HDAC9: variants seen among roughly 807,000 people sequenced by gnomAD.
HDAC9 encodes the protein MEF-2 interacting transcription repressor (MITR) protein.
A neutral mutation model predicts 139.4 loss-of-function variants in HDAC9; 41 were observed. That is an observed-to-expected ratio of 0.29 (90% CI 0.23 to 0.38). The LOEUF (loss-of-function observed/expected upper bound fraction) is 0.38. Ranked by LOEUF, HDAC9 falls within the 10% of genes least tolerant of loss-of-function variation. The probability of loss-of-function intolerance (pLI) is 1.00; values close to 1 mark genes in which losing one functional copy is unlikely to be tolerated. For missense variants in HDAC9, 1,147 were observed against 1,297.0 expected, an observed-to-expected ratio of 0.88 and a Z score of 1.78; for synonymous variants, 517 against 476.2, an observed-to-expected ratio of 1.09 and a Z score of -1.12.
chr7:18,258,049 T>C (rs111779849), intron 2 of HDAC9, among the ~76,000 whole-genome samples: 4 of 152,350 alleles, frequency 2.6e-5, no homozygotes, highest in East Asian at 3.9e-4. Context: ...AGTATCTAAG[T>C]TGACTTAAAA....
chr7:18,313,615 A>G (rs1438347360), intron 1 of HDAC9, among the ~76,000 whole-genome samples: 1 of 152,232 alleles, frequency 6.6e-6, no homozygotes, highest in Non-Finnish European at 1.5e-5. Flanking sequence ...GGATTTTAAT[A>G]TATGCAAATG....
At position 18,750,247 on chromosome 7, in the gene HDAC9, T is replaced by C. The variant is rs115169068; in HGVS notation, c.2043+1109T>C. ...CATTCATTCAGTTTGTTCATTTCTA[T>C]GGATAAAAAAATTTTCTTTATGGAT... On this transcript the variant is annotated intron_variant, in intron 14 of 25. Coordinates refer to ENST00000686413, the MANE Select transcript of HDAC9 (RefSeq NM_178425.4). Among the ~76,000 whole-genome samples, 744 of 152,298 alleles carry C rather than the reference T, an allele frequency of 4.9e-3. 7 individuals carry two copies. Among genetic ancestry groups the C allele is most frequent in the African/African-American group, 0.017 (690 of 41,562 alleles).
chr7:18,765,461 A>G (rs1489603400), intron 15 of HDAC9, among the ~76,000 whole-genome samples: 1 of 152,138 alleles, frequency 6.6e-6, no homozygotes, highest in African/African-American at 2.4e-5. Flanking sequence ...CTCTACTAAA[A>G]ATACAAAAAT....
At chr7:18,263,219 A>G (rs544724645) in intron 2 of HDAC9, among the ~76,000 whole-genome samples, 1 of 152,324 alleles carries the variant, frequency 6.6e-6, no homozygotes, top group South Asian at 2.1e-4. Context: ...CTACACTAAT[A>G]TCAGTATGTT....
chr7:18,178,537 G>A (rs1032976146), intron 2 of HDAC9, among the ~76,000 whole-genome samples: 1 of 152,208 alleles, frequency 6.6e-6, no homozygotes, highest in African/African-American at 2.4e-5. Flanking sequence ...AGCGGTAGAA[G>A]CAGACCTACC....
chr7:18,903,229 C>A (rs535833929), intron 22 of HDAC9, among the ~76,000 whole-genome samples: 2 of 152,302 alleles, frequency 1.3e-5, no homozygotes, highest in African/African-American at 4.8e-5. Context: ...TGACTTGGCC[C>A]TTCTAAGCAA....
At chr7:18,663,637 C>T (rs1793905761) in intron 11 of HDAC9, among the ~76,000 whole-genome samples, 1 of 152,130 alleles carries the variant, frequency 6.6e-6, no homozygotes, top group South Asian at 2.1e-4. Flanking sequence ...CGGGTATCTA[C>T]TTGAATCCTT....
chr7:18,741,485 AG>A (rs1787448753), intron 13 of HDAC9, among the ~76,000 whole-genome samples: 1 of 152,244 alleles, frequency 6.6e-6, no homozygotes, highest in Admixed American at 6.5e-5. Flanking sequence ...CTTACTGCTC[AG>A]GGGGGAAAAA....
At chr7:18,601,178 C>T (rs1394560334) in intron 6 of HDAC9, among the ~76,000 whole-genome samples, 2 of 152,186 alleles carry the variant, frequency 1.3e-5, no homozygotes, top group African/African-American at 4.8e-5. Flanking sequence ...TTCTCATTTA[C>T]ATCCTCTACA....
intron 21 of HDAC9, among the ~76,000 whole-genome samples, chr7:18,838,581 A>G (rs1410613511): frequency 6.6e-6 from 1 of 152,066 alleles, no homozygotes; most frequent in Non-Finnish European, 1.5e-5. Flanking sequence ...CTATATATGT[A>G]TATACTCCTT....
intron 22 of HDAC9, among the ~76,000 whole-genome samples, chr7:18,888,304 A>G (rs1468114776): frequency 6.6e-6 from 1 of 152,196 alleles, no homozygotes; most frequent in Non-Finnish European, 1.5e-5. Context: ...GGGCGCCTGT[A>G]GTCCCAGCTA....
At chr7:18,123,970 G>A (rs1377531768) in intron 1 of HDAC9, among the ~76,000 whole-genome samples, 1 of 152,148 alleles carries the variant, frequency 6.6e-6, no homozygotes, top group East Asian at 1.9e-4. Flanking sequence ...AATGAGGGGT[G>A]CTATCTTAAT....
At chr7:18,268,489 A>C (rs1255403289) in intron 2 of HDAC9, among the ~76,000 whole-genome samples, 1 of 125,396 alleles carries the variant, frequency 8.0e-6, no homozygotes, top group Non-Finnish European at 1.9e-5. Context: ...TGCAAGAACC[A>C]AATTAAAAAA....
chr7:18,613,077 A>G (rs1837608005), intron 6 of HDAC9, among the ~76,000 whole-genome samples: 1 of 148,090 alleles, frequency 6.8e-6, no homozygotes. Context: ...TGAATAATAG[A>G]TATATTTATA....
chr7:18,469,649 T>C (rs2128118591), intron 1 of HDAC9, among the ~76,000 whole-genome samples: 1 of 152,274 alleles, frequency 6.6e-6, no homozygotes, highest in East Asian at 1.9e-4. Context: ...CACAACTGTA[T>C]AGTGGTTTTC....
chr7:18,837,762 C>G (rs1796332476), intron 21 of HDAC9, among the ~76,000 whole-genome samples: 1 of 152,082 alleles, frequency 6.6e-6, no homozygotes, highest in African/African-American at 2.4e-5. Flanking sequence ...TAAAGAACCT[C>G]TTTGAACACA....
chr7:18,116,658 A>T (rs2731570), intron 1 of HDAC9, among the ~76,000 whole-genome samples: 1 of 152,056 alleles, frequency 6.6e-6, no homozygotes. Context: ...TTTTATTAAC[A>T]AATAATAGAG....
At chr7:18,920,344 G>A (rs952474138) in intron 22 of HDAC9, among the ~76,000 whole-genome samples, 3 of 152,110 alleles carry the variant, frequency 2.0e-5, no homozygotes, top group East Asian at 1.9e-4. Flanking sequence ...CATTGATTTT[G>A]TATCCTGAGA....
chr7:18,704,896 A>T (rs952447486), intron 12 of HDAC9, among the ~76,000 whole-genome samples: 1 of 152,220 alleles, frequency 6.6e-6, no homozygotes, highest in African/African-American at 2.4e-5. Context: ...GGTTTTCAGC[A>T]TTTTATAAGA....
Sources: allele counts gnomAD v4.1 joint callset (sites outside exome capture counted in the v4.1 genomes callset), GRCh38; gene constraint gnomAD v4.1.1; transcripts MANE v1.5; gene names NCBI Gene and HGNC (gene_info 2026-07-23, HGNC 2026-07-21).